Variants in LSM6 observed in about 807,000 individuals in gnomAD.
LSM6 encodes LSM6 homolog, U6 small nuclear RNA and mRNA degradation associated.
Under a neutral mutation model 13.5 loss-of-function variants are expected in LSM6, and 2 were observed. The observed-to-expected ratio is 0.15, with a 90% CI of 0.06 to 0.47. The LOEUF (loss-of-function observed/expected upper bound fraction) is 0.47. LSM6 is among the 20% of genes least tolerant of loss of function. The probability of loss-of-function intolerance (pLI) is 0.97; values close to 1 mark genes in which losing one functional copy is unlikely to be tolerated. For synonymous variants in LSM6, 43 were observed against 34.9 expected (o/e 1.23, Z -0.82); for missense variants, 58 against 96.4 (o/e 0.60, Z 1.67).
intron 2 of LSM6, chr4:146,183,301 C>G (rs1730271813): frequency 3.2e-6 from 1 of 315,304 alleles, no homozygotes; most frequent in Admixed American, 4.4e-5. Flanking sequence ...CTAGGTATTC[C>G]TAGTGAACTC....
rs1289783176 is a variant in LSM6, at chr4:146,191,408, C to T, written c.*1752C>T. 6.6e-6 allele frequency: 1 copy of T among 152,172 alleles called. No homozygotes were observed. Among genetic ancestry groups the T allele is most frequent in the East Asian group, 1.9e-4 (1 of 5,200 alleles). The allele number at this position is 152,172 out of a possible 1,614,324, so 9.4% of individuals were successfully genotyped here. On this transcript the variant is annotated 3_prime_UTR_variant, in exon 4 of 4. Coordinates refer to ENST00000296581, the MANE Select transcript of LSM6 (RefSeq NM_007080.3). ...TATATAAGTCTTTATTTTCCCCTTG[C>T]CATCTCTCTAGTTTAATAGCTCTAC...
At chr4:146,179,527 A>G (rs1730185503) in intron 1 of LSM6, among the ~76,000 whole-genome samples, 1 of 152,222 alleles carries the variant, frequency 6.6e-6, no homozygotes, top group African/African-American at 2.4e-5. Context: ...GAGGCAACCC[A>G]TATACTCTTT....
chr4:146,185,662 CTTGTTTGTTTGT>C (rs140691955), intron 2 of LSM6, among the ~76,000 whole-genome samples: 1 of 151,082 alleles, frequency 6.6e-6, no homozygotes, highest in African/African-American at 2.4e-5. Context: ...GTTGTTGTTG[CTTGTTTGTTTGT>C]TTGTTTGTTT....
intron 1 of LSM6, among the ~76,000 whole-genome samples, chr4:146,179,188 A>G (rs565961600): frequency 6.6e-6 from 1 of 152,328 alleles, no homozygotes; most frequent in South Asian, 2.1e-4. Flanking sequence ...AGGTATAGAG[A>G]GTGATTATGA....
At chr4:146,180,067 G>C (rs1464657110) in intron 1 of LSM6, among the ~76,000 whole-genome samples, 1 of 152,210 alleles carries the variant, frequency 6.6e-6, no homozygotes. Context: ...CTTGTTCCGT[G>C]CCTTTTCTGA....
intron 2 of LSM6, chr4:146,183,700 A>G (rs1359778410): frequency 6.6e-6 from 1 of 152,114 alleles, no homozygotes; most frequent in Admixed American, 6.5e-5. Flanking sequence ...CTATAACAGA[A>G]TACCACAGAC....
Position 146,187,362 on chromosome 4 carries a change from G to T in LSM6, c.183G>T (p.Gly61=), listed in dbSNP as rs773828426. ...YVNGQLKNKY[G]DAFIRGNNVL... Reference sequence around the variant, plus strand: ...ATGGACAACTGAAGAATAAGTATGGGGATGCATTTATCCGAGGAAACAATG... The same window carrying T: ...ATGGACAACTGAAGAATAAGTATGGTGATGCATTTATCCGAGGAAACAATG... The change falls in exon 3 of 4, where the codon GGG becomes GGT. Residue 61 remains glycine, a synonymous_variant. Coordinates refer to ENST00000296581, the MANE Select transcript of LSM6 (RefSeq NM_007080.3). 3.7e-6 allele frequency: 6 copies of T among 1,610,476 alleles called. No individual in the cohort carries two copies. Among genetic ancestry groups the T allele is most frequent in the Admixed American group, 1.7e-5 (1 of 59,996 alleles).
At chr4:146,177,708 G>A (rs1730141901) in intron 1 of LSM6, among the ~76,000 whole-genome samples, 1 of 151,828 alleles carries the variant, frequency 6.6e-6, no homozygotes, top group Non-Finnish European at 1.5e-5. Flanking sequence ...TTTTGTGCTG[G>A]GCAGTCCTTT....
chr4:146,181,983 C>T (rs1730242695), intron 1 of LSM6, among the ~76,000 whole-genome samples: 1 of 152,098 alleles, frequency 6.6e-6, no homozygotes, highest in Non-Finnish European at 1.5e-5. Context: ...AGTTTTAAGA[C>T]TTTTTTCTTC....
intron 2 of LSM6, 59 bp from the exon 3 acceptor site, chr4:146,187,215 T>G: frequency 1.1e-6 from 1 of 879,336 alleles, no homozygotes; most frequent in South Asian, 1.4e-5. Context: ...AGGTATACCC[T>G]GTAATTTTCA....
chr4:146,188,762 C>T (rs915938092), intron 3 of LSM6, among the ~76,000 whole-genome samples: 4 of 151,900 alleles, frequency 2.6e-5, no homozygotes, highest in African/African-American at 9.7e-5. Flanking sequence ...TTAGGTAACA[C>T]CAAAGTATGA....
At chr4:146,178,070 T>A (rs1024510010) in intron 1 of LSM6, among the ~76,000 whole-genome samples, 1 of 152,254 alleles carries the variant, frequency 6.6e-6, no homozygotes. Flanking sequence ...TAATAGAGAT[T>A]ACTTGGTTAG....
At position 146,189,702 on chromosome 4, in the gene LSM6, A is replaced by T. The variant is rs1270279296; in HGVS notation, c.*46A>T. The T allele has an allele frequency of 6.7e-7, 1 of 1,497,288 alleles. No individual in the cohort carries two copies. The highest frequency in any genetic ancestry group is 9.1e-7 in the Non-Finnish European group (1 of 1,099,394). The allele number at this position is 1,497,288 out of a possible 1,614,324, so 92.8% of individuals were successfully genotyped here. A position where few individuals can be genotyped will look rare whatever the true frequency, so the allele number is the denominator to read the frequency against. ...TTTTCATAGTTGGATATATTTTTTT[A>T]TGAATTTTTTCTAATTTTTGCTTCT... On this transcript the variant is annotated 3_prime_UTR_variant, in exon 4 of 4. Coordinates refer to ENST00000296581, the MANE Select transcript of LSM6 (RefSeq NM_007080.3).
chr4:146,187,270 G>T lies in LSM6; in HGVS notation c.95-4G>T. ...ATCTTCTTTTTGACTAAATATGTCT[G>T]CAGGGGTCCTGGCTTGCCTGGATGG... is the stretch of plus-strand genomic sequence containing the variant. On this transcript the variant is annotated splice_polypyrimidine_tract_variant and splice_region_variant and intron_variant, in intron 2 of 3. Transcript: ENST00000296581. 4 of 1,566,736 alleles carry T rather than the reference G, an allele frequency of 2.6e-6. No homozygotes were observed. In the South Asian group the frequency reaches 4.4e-5, roughly 17 times the overall value.
Position 146,190,723 on chromosome 4 carries a change from T to C in LSM6, c.*1067T>C, listed in dbSNP as rs922816101. On this transcript the variant is annotated 3_prime_UTR_variant, in exon 4 of 4. Coordinates refer to ENST00000296581, the MANE Select transcript of LSM6 (RefSeq NM_007080.3). ...AACCCTGCTTTATTCTCCAAACAGT[T>C]TTACGCTGTCTCTAGGAACAACAAA... The C allele has an allele frequency of 7.9e-5, 12 of 152,362 alleles. No homozygotes were observed. The highest frequency in any genetic ancestry group is 2.9e-4 in the African/African-American group (12 of 41,570). The allele number at this position is 152,362 out of a possible 1,614,324, so 9.4% of individuals were successfully genotyped here. A position where few individuals can be genotyped will look rare whatever the true frequency, so the allele number is the denominator to read the frequency against.
chr4:146,183,971 G>A (rs1730291716), intron 2 of LSM6, among the ~76,000 whole-genome samples: 1 of 151,164 alleles, frequency 6.6e-6, no homozygotes. Flanking sequence ...CTCTAGACTG[G>A]GTAATTTTCA....
chr4:146,191,254 G>A lies in LSM6; in HGVS notation c.*1598G>A, dbSNP rs1730463061. On this transcript the variant is annotated 3_prime_UTR_variant, in exon 4 of 4. Coordinates refer to ENST00000296581, the MANE Select transcript of LSM6 (RefSeq NM_007080.3). The stretch of plus-strand genomic sequence containing the variant: ...TGTTCTCATTTGTTTTGTAGAATAT[G>A]TGGGGCTGCAGGTTATTGTGTCCCT... 6.6e-6 allele frequency: 1 copy of A among 152,200 alleles called. No homozygotes were observed. The highest frequency in any genetic ancestry group is 2.1e-4 in the South Asian group (1 of 4,836). 9.4% of individuals were successfully genotyped at this position (152,200 alleles called of 1,614,324 possible).
rs765305181 is a variant in LSM6, at chr4:146,182,902, T to C, written c.-10-10T>C. ...TACCTTTTATTGTTCCTTTTCATAT[T>C]TTGATTTAGGATTGTTAAAATGAGT... On this transcript the variant is annotated splice_polypyrimidine_tract_variant and intron_variant, in intron 1 of 3. Transcript: ENST00000296581. 3.3e-6 allele frequency: 5 copies of C among 1,515,744 alleles called. No homozygotes were observed. The Admixed American group carries it at 5.0e-5, about 15-fold the overall frequency. The allele number at this position is 1,515,744 out of a possible 1,614,324, so 93.9% of individuals were successfully genotyped here. A position where few individuals can be genotyped will look rare whatever the true frequency, so the allele number is the denominator to read the frequency against.
intron 1 of LSM6, chr4:146,176,108 C>G (rs1325748184): frequency 3.3e-5 from 5 of 152,336 alleles, no homozygotes; most frequent in Admixed American, 1.3e-4. Flanking sequence ...AGGAGCGGCA[C>G]CGTCCCGGCT....
Sources: allele counts gnomAD v4.1 joint callset (sites outside exome capture counted in the v4.1 genomes callset), GRCh38; gene constraint gnomAD v4.1.1; transcripts MANE v1.5; gene names NCBI Gene and HGNC (gene_info 2026-07-23, HGNC 2026-07-21).